Variants in CDH13 observed in about 807,000 individuals in gnomAD.
CDH13 encodes cadherin-13.
CDH13 carries 24 observed loss-of-function variants against 63.8 expected under a neutral mutation model. That is an observed-to-expected ratio of 0.38 (90% CI 0.27 to 0.53). The LOEUF (loss-of-function observed/expected upper bound fraction) is 0.53, where lower values mean the gene tolerates loss of function less well. Ranked by LOEUF, CDH13 falls within the 20% of genes least tolerant of loss-of-function variation. The probability of loss-of-function intolerance (pLI) is 0.85; values close to 1 mark genes in which losing one functional copy is unlikely to be tolerated. For synonymous variants in CDH13, 503 were observed against 355.3 expected, an observed-to-expected ratio of 1.42 and a Z score of -4.67; for missense variants, 1,049 against 903.1, an observed-to-expected ratio of 1.16 and a Z score of -2.07.
intron 5 of CDH13, among the ~76,000 whole-genome samples, chr16:83,318,762 C>T (rs2090158727): frequency 1.3e-5 from 2 of 152,100 alleles, no homozygotes; most frequent in African/African-American, 4.8e-5. Context: ...TGGCGAGGCA[C>T]TGGTATTCGG....
At chr16:83,243,823 G>A (rs1053464624) in intron 5 of CDH13, among the ~76,000 whole-genome samples, 8 of 152,178 alleles carry the variant, frequency 5.3e-5, no homozygotes, top group Non-Finnish European at 1.2e-4. Flanking sequence ...CTCAGTGAAA[G>A]TGAAATTTTA....
chr16:82,896,698 G>A (rs2041279566), intron 2 of CDH13, among the ~76,000 whole-genome samples: 1 of 151,406 alleles, frequency 6.6e-6, no homozygotes. Context: ...CCAGATGCAG[G>A]TCTGACTCTC....
intron 7 of CDH13, among the ~76,000 whole-genome samples, chr16:83,520,298 T>C (rs751751786): frequency 6.6e-6 from 1 of 152,194 alleles, no homozygotes; most frequent in Non-Finnish European, 1.5e-5. Flanking sequence ...TTCCATCGTT[T>C]ATGAAGTTCA....
intron 1 of CDH13, among the ~76,000 whole-genome samples, chr16:82,749,029 G>T (rs936682075): frequency 2.0e-5 from 3 of 152,114 alleles, no homozygotes; most frequent in Non-Finnish European, 4.4e-5. Flanking sequence ...CAGAGTGTTG[G>T]CCTTCTCACT....
At chr16:83,232,528 A>AATG (rs2040028487) in intron 5 of CDH13, among the ~76,000 whole-genome samples, 1 of 145,520 alleles carries the variant, frequency 6.9e-6, no homozygotes, top group Non-Finnish European at 1.5e-5. Flanking sequence ...TGTCTCAAAA[A>AATG]ACGACAACAA....
intron 1 of CDH13, among the ~76,000 whole-genome samples, chr16:82,640,166 T>C (rs575272857): frequency 1.7e-4 from 26 of 152,226 alleles, no homozygotes; most frequent in Non-Finnish European, 3.1e-4. Context: ...GGTAGAGTGA[T>C]AGACAGTGTT....
At chr16:83,320,450 G>A (rs2151893861) in intron 5 of CDH13, among the ~76,000 whole-genome samples, 1 of 152,258 alleles carries the variant, frequency 6.6e-6, no homozygotes, top group Non-Finnish European at 1.5e-5. Context: ...GCTAGAAAGT[G>A]GTAGGCTGGA....
In CDH13 at chr16:82,673,009, T is replaced by TTTTTTTTC. The variant is rs1555531949; in HGVS notation, c.45+45879_45+45880insCTTTTTTT. The stretch of plus-strand genomic sequence containing the variant: ...TTTTTATAAAGTTTTCTTTTTTTTT[T>TTTTTTTTC]TTTTTTTTTTGTAGAGATGATGGGG... On this transcript the variant is annotated intron_variant, in intron 1 of 13. Coordinates refer to ENST00000567109, the MANE Select transcript of CDH13 (RefSeq NM_001257.5). Among the ~76,000 whole-genome samples the TTTTTTTTC allele has an allele frequency of 1.1e-3, 143 of 133,276 alleles. 2 individuals carry two copies. The highest frequency in any genetic ancestry group is 1.8e-3 in the Non-Finnish European group (108 of 61,712). 87.4% of individuals were successfully genotyped at this position (133,276 alleles called of 152,430 possible). A position where few individuals can be genotyped will look rare whatever the true frequency, so the allele number is the denominator to read the frequency against.
At chr16:83,497,199 G>GAC (rs1463175842) in intron 7 of CDH13, among the ~76,000 whole-genome samples, 1 of 151,992 alleles carries the variant, frequency 6.6e-6, no homozygotes, top group Non-Finnish European at 1.5e-5. Flanking sequence ...CTGCTATAAA[G>GAC]ACACATGCAC....
intron 8 of CDH13, among the ~76,000 whole-genome samples, chr16:83,660,665 C>T (rs1451224213): frequency 6.6e-6 from 1 of 152,218 alleles, no homozygotes. Context: ...TGCAGAATTG[C>T]ATAAGCCAAA....
At chr16:83,547,467 A>G (rs977214754) in intron 7 of CDH13, among the ~76,000 whole-genome samples, 11 of 152,126 alleles carry the variant, frequency 7.2e-5, no homozygotes, top group African/African-American at 2.7e-4. Flanking sequence ...TCTACCCTCA[A>G]GTAGGCCCTA....
intron 10 of CDH13, chr16:83,736,039 C>A (rs1020416706): frequency 2.0e-5 from 3 of 152,158 alleles, no homozygotes; most frequent in Non-Finnish European, 4.4e-5. Context: ...AACTCCAAGT[C>A]GTCCTGTTCT....
intron 2 of CDH13, among the ~76,000 whole-genome samples, chr16:82,933,862 T>A (rs1353686657): frequency 6.6e-6 from 1 of 152,210 alleles, no homozygotes; most frequent in African/African-American, 2.4e-5. Context: ...CACATCCAGG[T>A]CACATTGATG....
intron 7 of CDH13, among the ~76,000 whole-genome samples, chr16:83,598,600 G>C (rs968523397): frequency 6.6e-6 from 1 of 152,148 alleles, no homozygotes; most frequent in African/African-American, 2.4e-5. Context: ...AGTCAAAACT[G>C]CCTTATTCCT....
intron 1 of CDH13, among the ~76,000 whole-genome samples, chr16:82,799,457 G>A (rs1425253458): frequency 6.6e-6 from 1 of 152,198 alleles, no homozygotes; most frequent in Non-Finnish European, 1.5e-5. Flanking sequence ...TGCTTTGAAA[G>A]CTCATCAGCT....
intron 5 of CDH13, among the ~76,000 whole-genome samples, chr16:83,291,585 G>C (rs1025827403): frequency 6.6e-6 from 1 of 151,968 alleles, no homozygotes; most frequent in Non-Finnish European, 1.5e-5. Context: ...ATCCAAGATA[G>C]AATTTTAGTA....
intron 2 of CDH13, among the ~76,000 whole-genome samples, chr16:83,031,721 C>G (rs1418581426): frequency 2.6e-5 from 4 of 152,164 alleles, no homozygotes; most frequent in Non-Finnish European, 5.9e-5. Context: ...AAATGTCACT[C>G]TGCCAGATCT....
Position 82,979,624 on chromosome 16 carries a change from A to T in CDH13, c.158-52386A>T, listed in dbSNP as rs185184937. On this transcript the variant is annotated intron_variant, in intron 2 of 13. Coordinates refer to ENST00000567109, the MANE Select transcript of CDH13 (RefSeq NM_001257.5). ...TTGCTTCCTCTTCCACCATGATCAT[A>T]GTTTCCTGAGGCTTCCCAAGCCGTG... is the stretch of plus-strand genomic sequence containing the variant. 8.5e-5 allele frequency among the ~76,000 whole-genome samples: 13 copies of T among 152,268 alleles called. No homozygotes were observed. The East Asian group carries it at 2.5e-3, about 29-fold the overall frequency.
intron 11 of CDH13, among the ~76,000 whole-genome samples, chr16:83,775,996 T>C (rs1915084192): frequency 6.6e-6 from 1 of 152,214 alleles, no homozygotes; most frequent in South Asian, 2.1e-4. Context: ...ACCTGAATTT[T>C]GGATGTGATT....
Sources: gnomAD v4.1 joint callset for allele counts (sites outside exome capture counted in the v4.1 genomes callset) on GRCh38, gnomAD v4.1.1 for gene constraint, MANE v1.5 for transcripts, NCBI Gene and HGNC (gene_info 2026-07-23, HGNC 2026-07-21) for gene names.